Variants in MYH14 observed in about 807,000 individuals in gnomAD.
The protein encoded by MYH14 is myosin heavy chain 14.
A neutral mutation model predicts 255.5 loss-of-function variants in MYH14; 123 were observed. That is an observed-to-expected ratio of 0.48 (90% CI 0.42 to 0.56). MYH14 has a LOEUF of 0.56. MYH14 is among the 20% of genes least tolerant of loss of function. MYH14 has a pLI of 0.00. For missense variants in MYH14, 2,423 were observed against 2,802.3 expected (o/e 0.86, Z 3.06); for synonymous variants, 1,095 against 1,161.2 (o/e 0.94, Z 1.16).
chr19:50,306,440 C>A (rs1175299327), intron 40 of MYH14, among the ~76,000 whole-genome samples: 1 of 152,130 alleles, frequency 6.6e-6, no homozygotes, highest in African/African-American at 2.4e-5. Flanking sequence ...ATGGACTTCA[C>A]CCCAGATGTG....
chr19:50,289,697 C>G (rs1390607731), intron 35 of MYH14, 49 bp downstream of exon 35: 1 of 1,531,720 alleles, frequency 6.5e-7, no homozygotes, highest in Non-Finnish European at 8.8e-7. Flanking sequence ...TGGGGTATGC[C>G]ATGGTGTGTA....
At chr19:50,234,584 G>T (rs1481038201) in intron 10 of MYH14, among the ~76,000 whole-genome samples, 1 of 107,810 alleles carries the variant, frequency 9.3e-6, no homozygotes, top group African/African-American at 3.5e-5. Flanking sequence ...CCACCCCGCC[G>T]CATTTCCCAA....
At chr19:50,245,066 T>A (rs112192092) in intron 11 of MYH14, among the ~76,000 whole-genome samples, 1,710 of 152,296 alleles carry the variant, frequency 0.011, 14 homozygotes, top group Non-Finnish European at 0.017. Flanking sequence ...TAGCTATGTC[T>A]CTTTATTATT....
Position 50,310,060 on chromosome 19 carries a change from T to A in MYH14, c.*270T>A. The stretch of plus-strand genomic sequence containing the variant: ...CTGGGTACAGTTGGCAAGCTGTGTT[T>A]CCATCAGCTCCCTGTCCTCCTTTCT... On this transcript the variant is annotated 3_prime_UTR_variant, in exon 43 of 43. Transcript: ENST00000642316. The A allele has an allele frequency of 3.6e-6, 2 of 563,040 alleles. No homozygotes were observed. The highest frequency in any genetic ancestry group is 6.3e-6 in the Non-Finnish European group (2 of 318,094). The allele number at this position is 563,040 out of a possible 1,614,324, so 34.9% of individuals were successfully genotyped here. A position where few individuals can be genotyped will look rare whatever the true frequency, so the allele number is the denominator to read the frequency against.
chr19:50,269,702 C>T (rs921009518), intron 24 of MYH14, among the ~76,000 whole-genome samples: 4 of 152,178 alleles, frequency 2.6e-5, no homozygotes, highest in Non-Finnish European at 4.4e-5. Context: ...GAGGTGACCC[C>T]TGGGTGCCGT....
Position 50,272,658 on chromosome 19 carries a change from C to G in MYH14, c.3394C>G (p.Gln1132Glu). The G allele has an allele frequency of 6.4e-7, 1 of 1,561,266 alleles. No homozygotes were observed. The change falls in exon 27 of 43, where the codon CAG (glutamine) becomes GAG (glutamate). Residue 1132 changes from glutamine to glutamate, a missense_variant. Transcript: ENST00000642316. Reference protein sequence around the residue: ...SSELQEQMVEQQQRAEELRAQ... With the variant: ...SSELQEQMVEEQQRAEELRAQ... Reference sequence around the variant, plus strand: ...AGAGCTGCAGGAGCAGATGGTGGAGCAGCAACAGCGGGCAGAGGAGCTGCG... The same window carrying G: ...AGAGCTGCAGGAGCAGATGGTGGAGGAGCAACAGCGGGCAGAGGAGCTGCG...
rs184247327 is a variant in MYH14, at chr19:50,231,869, C to G, written c.974-61C>G. 1,507 of 1,602,432 alleles carry G rather than the reference C, an allele frequency of 9.4e-4. 21 individuals carry two copies. The East Asian group carries it at 0.029, about 31-fold the overall frequency. On this transcript the variant is annotated intron_variant, in intron 9 of 42. Coordinates refer to ENST00000642316, the MANE Select transcript of MYH14 (RefSeq NM_001145809.2). The stretch of plus-strand genomic sequence containing the variant: ...TGTCCTGGGATTGCCACCGATGAAT[C>G]CAGGATGAGTCTGACTGCACAGCCC...
intron 21 of MYH14, among the ~76,000 whole-genome samples, chr19:50,262,971 G>A (rs1237603393): frequency 1.3e-5 from 2 of 148,974 alleles, no homozygotes; most frequent in Non-Finnish European, 3.0e-5. Context: ...AGGCCGAGGT[G>A]AGTAGATCAC....
chr19:50,271,312 C>G (rs184548379), intron 24 of MYH14, 97 bp from the exon 25 acceptor site: 1 of 1,330,540 alleles, frequency 7.5e-7, no homozygotes, highest in Non-Finnish European at 1.0e-6. Context: ...CCACAAGCCG[C>G]GGGGATCCGT....
chr19:50,225,275 TG>T (rs1181881935), intron 6 of MYH14, among the ~76,000 whole-genome samples: 1 of 152,238 alleles, frequency 6.6e-6, no homozygotes, highest in African/African-American at 2.4e-5. Context: ...TCCTGTTTTG[TG>T]GCGTTTCTTC....
chr19:50,281,944 A>G (rs2035740725), intron 33 of MYH14, 102 bp downstream of exon 33: 1 of 1,287,686 alleles, frequency 7.8e-7, no homozygotes, highest in South Asian at 1.4e-5. Context: ...CGGCTCAACT[A>G]GGCAGTTGTA....
rs2035697340 is a variant in MYH14 at position 50,280,943 on chromosome 19, A to C, written c.4290+560A>C. On this transcript the variant is annotated intron_variant, in intron 32 of 42. Coordinates refer to ENST00000642316, the MANE Select transcript of MYH14 (RefSeq NM_001145809.2). The surrounding 1 kb of genome is among the most constrained non-coding windows in gnomAD (Gnocchi z 4.8). ...AGGCTCCCCTGTGGGAAGTTTCCTG[A>C]CCCGTCTTCTCTTTCTCCTCTGTCC... Among the ~76,000 whole-genome samples the C allele has an allele frequency of 3.9e-5, 6 of 152,016 alleles. No individual in the cohort carries two copies. Among genetic ancestry groups the C allele is most frequent in the Admixed American group, 3.9e-4 (6 of 15,266 alleles).
intron 33 of MYH14, chr19:50,286,264 A>G: frequency 4.2e-6 from 2 of 472,314 alleles, no homozygotes; most frequent in Non-Finnish European, 3.8e-6. Flanking sequence ...TCTGTTGAAC[A>G]TATAGAGTTA....
Position 50,259,259 on chromosome 19 carries a change from GGCA to G in MYH14, c.2351_2353del (p.Gln784del). The G allele has an allele frequency of 6.3e-7, 1 of 1,578,446 alleles. No individual in the cohort carries two copies. Among genetic ancestry groups the G allele is most frequent in the Non-Finnish European group, 8.6e-7 (1 of 1,161,526 alleles). On this transcript the variant is annotated inframe_deletion, in exon 19 of 43. Transcript: ENST00000642316. ...AACCGCATCCTCTTCCAGGAGTTCC[GGCA>G]GCGGTGAGCTAGAGCGAGGGCCCAG...
At chr19:50,224,492 G>A (rs1187630929) in intron 6 of MYH14, among the ~76,000 whole-genome samples, 2 of 152,198 alleles carry the variant, frequency 1.3e-5, no homozygotes, top group African/African-American at 2.4e-5. Context: ...ATACACGCAT[G>A]TCCCATGTTC....
At chr19:50,295,629 C>T (rs1285059615) in intron 39 of MYH14, among the ~76,000 whole-genome samples, 1 of 151,974 alleles carries the variant, frequency 6.6e-6, no homozygotes, top group Non-Finnish European at 1.5e-5. Context: ...CATCCCTACA[C>T]AAAATTGAAA....
At chr19:50,292,908 G>A (rs1568547442) in intron 37 of MYH14, among the ~76,000 whole-genome samples, 4 of 151,976 alleles carry the variant, frequency 2.6e-5, no homozygotes, top group East Asian at 1.9e-4. Flanking sequence ...GAGGGGGGCC[G>A]GAGGAGGGGA....
intron 35 of MYH14, 85 bp downstream of exon 35, chr19:50,289,733 G>T: frequency 1.5e-6 from 2 of 1,295,964 alleles, no homozygotes; most frequent in Admixed American, 2.0e-5. Flanking sequence ...GCAGCAAGGG[G>T]TCTCCCCGAC....
rs200900231 is a variant in MYH14, at chr19:50,231,976, C to T, written c.1020C>T (p.Asn340=). ...GCTCCCACTACCGGTTCCTGACCAA[C>T]GGGCCGTCATCCTCTCCCGGCCAGG... is the stretch of plus-strand genomic sequence containing the variant. The part of the protein sequence containing the change: ...EPCSHYRFLT[N]GPSSSPGQER... Residue 340 remains asparagine (N), a synonymous_variant, in exon 10 of 43, where the codon AAC becomes AAT. Coordinates refer to ENST00000642316, the MANE Select transcript of MYH14 (RefSeq NM_001145809.2). 9.9e-6 allele frequency: 16 copies of T among 1,613,832 alleles called. No individual in the cohort carries two copies. The highest frequency in any genetic ancestry group is 4.0e-5 in the African/African-American group (3 of 74,952).
Sources: allele counts gnomAD v4.1 joint callset (sites outside exome capture counted in the v4.1 genomes callset), GRCh38; gene constraint gnomAD v4.1.1; non-coding constraint Gnocchi (gnomAD v3.1); transcripts MANE v1.5; gene names NCBI Gene and HGNC (gene_info 2026-07-23, HGNC 2026-07-21).